Variants in PTPRJ observed in about 807,000 individuals in gnomAD.
The protein encoded by PTPRJ is receptor-type tyrosine-protein phosphatase eta.
PTPRJ carries 129 observed loss-of-function variants against 141.3 expected under a neutral mutation model. The ratio of observed to expected loss-of-function variants is 0.91; its 90% CI spans 0.79 to 1.06. The LOEUF (loss-of-function observed/expected upper bound fraction) is 1.06, where lower values mean the gene tolerates loss of function less well. Ranked by LOEUF, PTPRJ falls within the 50% of genes least tolerant of loss-of-function variation. The pLI is 0.00. For synonymous variants in PTPRJ, 610 were observed against 640.5 expected, an observed-to-expected ratio of 0.95 and a Z score of 0.72; for missense variants, 1,601 against 1,679.7, an observed-to-expected ratio of 0.95 and a Z score of 0.82.
chr11:48,047,364 G>A (rs1854435048), intron 1 of PTPRJ, among the ~76,000 whole-genome samples: 1 of 152,216 alleles, frequency 6.6e-6, no homozygotes, highest in African/African-American at 2.4e-5. Flanking sequence ...TTTGGACTGA[G>A]GAGTGTGAGT....
intron 1 of PTPRJ, among the ~76,000 whole-genome samples, chr11:48,083,842 T>C (rs1855627703): frequency 6.6e-6 from 1 of 152,250 alleles, no homozygotes; most frequent in African/African-American, 2.4e-5. Context: ...CCTGGGACTC[T>C]TGGGGATTCC....
At chr11:48,164,358 G>A in intron 23 of PTPRJ, 22 bp from the exon 24 acceptor site, 6 of 1,612,508 alleles carry the variant, frequency 3.7e-6, no homozygotes, top group Non-Finnish European at 5.1e-6. Context: ...ACTGTAATAG[G>A]CTTATTTCTC....
At chr11:48,019,490 ACGT>A (rs998660144) in intron 1 of PTPRJ, among the ~76,000 whole-genome samples, 1 of 152,062 alleles carries the variant, frequency 6.6e-6, no homozygotes, top group African/African-American at 2.4e-5. Context: ...ACATTTGCTC[ACGT>A]CTAGAAAGTA....
intron 3 of PTPRJ, among the ~76,000 whole-genome samples, chr11:48,117,370 G>A (rs1032286164): frequency 1.1e-4 from 16 of 151,268 alleles, no homozygotes; most frequent in African/African-American, 3.6e-4. Context: ...GTGAAACCCC[G>A]TCTCTACTAA....
chr11:48,153,763 A>G (rs1857538494), intron 18 of PTPRJ, 33 bp from the exon 19 acceptor site: 12 of 1,422,900 alleles, frequency 8.4e-6, no homozygotes, highest in Non-Finnish European at 1.2e-5. Flanking sequence ...TTGAAGACTA[A>G]ATAAATGAAC....
At chr11:48,077,177 CT>C (rs1215874728) in intron 1 of PTPRJ, among the ~76,000 whole-genome samples, 4 of 150,652 alleles carry the variant, frequency 2.7e-5, no homozygotes, top group African/African-American at 4.9e-5. Flanking sequence ...AGTCTTTTTT[CT>C]TTAAAAAAAA....
intron 1 of PTPRJ, among the ~76,000 whole-genome samples, chr11:48,107,464 T>C (rs1856323183): frequency 6.6e-6 from 1 of 152,160 alleles, no homozygotes; most frequent in Non-Finnish European, 1.5e-5. Context: ...TAACGGGTTT[T>C]CTGCCACACA....
chr11:47,986,805 A>G (rs960785889), intron 1 of PTPRJ, among the ~76,000 whole-genome samples: 1 of 152,154 alleles, frequency 6.6e-6, no homozygotes, highest in African/African-American at 2.4e-5. Context: ...CTGAGCCACC[A>G]CGCCTGGCCC....
chr11:48,094,562 C>T (rs1855953506), intron 1 of PTPRJ, among the ~76,000 whole-genome samples: 1 of 152,148 alleles, frequency 6.6e-6, no homozygotes, highest in South Asian at 2.1e-4. Context: ...ATTAACTGGA[C>T]CTATTTTCTT....
chr11:48,091,051 A>G (rs1184120781), intron 1 of PTPRJ, among the ~76,000 whole-genome samples: 2 of 152,170 alleles, frequency 1.3e-5, no homozygotes, highest in African/African-American at 2.4e-5. Context: ...TTTGCCTAGG[A>G]GGGGTTCTTC....
chr11:47,996,738 G>T (rs996415483), intron 1 of PTPRJ, among the ~76,000 whole-genome samples: 13 of 152,198 alleles, frequency 8.5e-5, no homozygotes, highest in Non-Finnish European at 1.5e-5. Flanking sequence ...GACCTGTCTT[G>T]CAGGTGTTCA....
At chr11:47,986,850 G>A (rs576871584) in intron 1 of PTPRJ, among the ~76,000 whole-genome samples, 58 of 152,312 alleles carry the variant, frequency 3.8e-4, no homozygotes, top group African/African-American at 1.4e-3. Flanking sequence ...TTTCCACAGA[G>A]TAGTATGGAA....
intron 16 of PTPRJ, 169 bp from the exon 17 acceptor site, chr11:48,149,821 A>G (rs1251281831): frequency 3.4e-6 from 2 of 595,778 alleles, no homozygotes; most frequent in African/African-American, 3.8e-5. Flanking sequence ...TCTAGAAATC[A>G]GATTTCCTGA....
chr11:48,055,239 G>A (rs1469690004), intron 1 of PTPRJ, among the ~76,000 whole-genome samples: 3 of 152,010 alleles, frequency 2.0e-5, no homozygotes, highest in Admixed American at 2.0e-4. Flanking sequence ...CACATGGTAG[G>A]CCCTCAAAAG....
intron 1 of PTPRJ, among the ~76,000 whole-genome samples, chr11:48,064,390 C>T (rs763979756): frequency 6.6e-6 from 1 of 152,104 alleles, no homozygotes; most frequent in African/African-American, 2.4e-5. Context: ...GGAGAGGATA[C>T]AGCAGGGTCC....
intron 1 of PTPRJ, among the ~76,000 whole-genome samples, chr11:48,072,866 C>T (rs2134275420): frequency 6.6e-6 from 1 of 152,116 alleles, no homozygotes; most frequent in South Asian, 2.1e-4. Flanking sequence ...CATTAAAACC[C>T]CATGGTTTCT....
At chr11:48,005,288 G>A (rs933074050) in intron 1 of PTPRJ, among the ~76,000 whole-genome samples, 3 of 151,206 alleles carry the variant, frequency 2.0e-5, no homozygotes, top group Non-Finnish European at 2.9e-5. Flanking sequence ...CATCACTGCT[G>A]TCTAGTTCCA....
At chr11:48,120,950 C>G in intron 3 of PTPRJ, 53 bp from the exon 4 acceptor site, 1 of 1,460,544 alleles carries the variant, frequency 6.8e-7, no homozygotes, top group Non-Finnish European at 9.2e-7. Context: ...AGACCTCACT[C>G]TTACATTTCT....
rs538620999 is a variant in PTPRJ at position 48,075,756 on chromosome 11, C to T, written c.97-34302C>T. ...CCTGTGCTAGGCTCTTAACGTCCTT[C>T]CCAGATGTTATGTCCCTTCCCTTGG... On this transcript the variant is annotated intron_variant, in intron 1 of 24. Coordinates refer to ENST00000418331, the MANE Select transcript of PTPRJ (RefSeq NM_002843.4). Among the ~76,000 whole-genome samples, 11 of 152,304 alleles carry T rather than the reference C, an allele frequency of 7.2e-5. No individual in the cohort carries two copies. In the South Asian group the frequency reaches 2.1e-3, roughly 29 times the overall value.
Sources: allele counts gnomAD v4.1 joint callset (sites outside exome capture counted in the v4.1 genomes callset), GRCh38; gene constraint gnomAD v4.1.1; transcripts MANE v1.5; gene names NCBI Gene and HGNC (gene_info 2026-07-23, HGNC 2026-07-21).